Variants in LARP1 observed in about 807,000 individuals in gnomAD.
LARP1 encodes the protein La ribonucleoprotein 1, translational regulator.
In LARP1, 36 loss-of-function variants were observed where a neutral mutation model predicts 122.7. The observed-to-expected ratio is 0.29, with a 90% confidence interval of 0.22 to 0.39. LARP1 has a LOEUF of 0.39. Among genes scored for constraint, LARP1 ranks in the 10% least tolerant of loss-of-function variants. LARP1 has a pLI of 1.00. For synonymous variants in LARP1, 539 were observed against 528.7 expected, an observed-to-expected ratio of 1.02 and a Z score of -0.27; for missense variants, 1,040 against 1,403.6, an observed-to-expected ratio of 0.74 and a Z score of 4.14.
chr5:154,755,509 AC>A lies in LARP1; in HGVS notation c.-248del, dbSNP rs1326918659. ...GCGAGGAACGGGCGGGGGGGGACGC[AC>A]GCCTAGGAGGCCTGGACTGCAGAGT... On this transcript the variant is annotated 5_prime_UTR_variant, in exon 1 of 19. Coordinates refer to ENST00000518297, the MANE Select transcript of LARP1 (RefSeq NM_033551.3). 1 of 975,266 alleles carries A rather than the reference AC, an allele frequency of 1.0e-6. No individual in the cohort carries two copies. The highest frequency in any genetic ancestry group is 1.8e-5 in the African/African-American group (1 of 56,522). 60.4% of individuals were successfully genotyped at this position (975,266 alleles called of 1,614,324 possible). A position where few individuals can be genotyped will look rare whatever the true frequency, so the allele number is the denominator to read the frequency against.
chr5:154,702,469 T>G (rs1452193352), intron 1 of LARP1, among the ~76,000 whole-genome samples: 1 of 151,968 alleles, frequency 6.6e-6, no homozygotes, highest in East Asian at 1.9e-4. Flanking sequence ...GGCAGGGGAA[T>G]TTCTTGAACC....
chr5:154,692,720 CT>C (rs1754282135), intron 1 of LARP1, among the ~76,000 whole-genome samples: 1 of 152,178 alleles, frequency 6.6e-6, no homozygotes, highest in Non-Finnish European at 1.5e-5. Context: ...GACAGCTGGC[CT>C]TAAGTGCCTC....
At chr5:154,807,902 A>G (rs923503410) in intron 15 of LARP1, among the ~76,000 whole-genome samples, 31 of 152,228 alleles carry the variant, frequency 2.0e-4, no homozygotes, top group African/African-American at 7.5e-4. Flanking sequence ...AGTTGTAGGA[A>G]TTCCTTTATC....
chr5:154,691,521 C>T (rs985266835), intron 1 of LARP1, among the ~76,000 whole-genome samples: 10 of 152,182 alleles, frequency 6.6e-5, no homozygotes, highest in African/African-American at 2.4e-4. Context: ...GGTGGCGGCC[C>T]ACTCTGCTCC....
intron 4 of LARP1, 41 bp from the exon 5 acceptor site, chr5:154,793,552 CCT>C (rs1230355032): frequency 6.2e-7 from 1 of 1,613,362 alleles, no homozygotes; most frequent in Non-Finnish European, 8.5e-7. Flanking sequence ...CTAGGAGTGG[CCT>C]CTCCCTCAAG....
At chr5:154,688,863 T>C (rs1269414262) in intron 1 of LARP1, among the ~76,000 whole-genome samples, 1 of 152,134 alleles carries the variant, frequency 6.6e-6, no homozygotes, top group Admixed American at 6.6e-5. Context: ...CATATTTCTT[T>C]TGCCCTTGAT....
intron 13 of LARP1, 34 bp from the exon 14 acceptor site, chr5:154,804,167 C>T: frequency 6.5e-7 from 1 of 1,527,514 alleles, no homozygotes; most frequent in Non-Finnish European, 9.1e-7. Context: ...TGTAGGAGTA[C>T]AAACAGTAAC....
At position 154,808,487 on chromosome 5, in the gene LARP1, T is replaced by G. The variant is rs200557431; in HGVS notation, c.2727T>G (p.Ser909=). The G allele has an allele frequency of 6.9e-5, 111 of 1,613,612 alleles. 1 individual carries two copies. The highest frequency in any genetic ancestry group is 3.3e-5 in the Admixed American group (2 of 60,012). ...NERKRLGIGQ[S]QEMNTLFRFW... ...GGAAACGCTTGGGCATTGGCCAGTCTCAGGAGATGAACACACTCTTCCGCT... is the reference window on the plus strand; with the variant it reads ...GGAAACGCTTGGGCATTGGCCAGTCGCAGGAGATGAACACACTCTTCCGCT... Residue 909 remains serine, a synonymous_variant, in exon 16 of 19, where the codon TCT becomes TCG. Transcript: ENST00000518297.
chr5:154,799,473 T>G lies in LARP1; in HGVS notation c.1378-118T>G, dbSNP rs576902866. 407 of 978,410 alleles carry G rather than the reference T, an allele frequency of 4.2e-4. 6 individuals are homozygous for G. The South Asian group carries it at 6.3e-3, about 15-fold the overall frequency. 60.6% of individuals were successfully genotyped at this position (978,410 alleles called of 1,614,324 possible). A position where few individuals can be genotyped will look rare whatever the true frequency, so the allele number is the denominator to read the frequency against. On this transcript the variant is annotated intron_variant, in intron 8 of 18. Coordinates refer to ENST00000518297, the MANE Select transcript of LARP1 (RefSeq NM_033551.3). ...GTGGAAGATGGTGTCAATTTTCTTATATTACTGGTAGCATTGGACTCATAC... is the reference window on the plus strand; with the variant it reads ...GTGGAAGATGGTGTCAATTTTCTTAGATTACTGGTAGCATTGGACTCATAC...
intron 8 of LARP1, among the ~76,000 whole-genome samples, chr5:154,798,232 T>C (rs1363533308): frequency 6.6e-6 from 1 of 152,246 alleles, no homozygotes; most frequent in African/African-American, 2.4e-5. Flanking sequence ...GAAGTCTGAC[T>C]TAAATTCTGT....
intron 1 of LARP1, among the ~76,000 whole-genome samples, chr5:154,785,773 C>T (rs927187498): frequency 6.6e-6 from 1 of 152,182 alleles, no homozygotes; most frequent in Non-Finnish European, 1.5e-5. Flanking sequence ...CTCCACTTTA[C>T]AGAGGAGCCG....
intron 8 of LARP1, among the ~76,000 whole-genome samples, chr5:154,797,944 A>G (rs950817875): frequency 2.6e-5 from 4 of 152,202 alleles, no homozygotes; most frequent in African/African-American, 9.7e-5. Flanking sequence ...TTCGGCTTCC[A>G]AAGTGTTGGG....
intron 8 of LARP1, among the ~76,000 whole-genome samples, chr5:154,797,341 C>G (rs1409812421): frequency 7.2e-6 from 1 of 139,324 alleles, no homozygotes; most frequent in Non-Finnish European, 1.5e-5. Context: ...TTAAGCAATT[C>G]TCCTGCCTCA....
intron 1 of LARP1, among the ~76,000 whole-genome samples, chr5:154,771,116 G>GAAA (rs572179099): frequency 7.4e-5 from 8 of 108,046 alleles, no homozygotes; most frequent in African/African-American, 2.6e-4. Context: ...TGTCTCAAAA[G>GAAA]AAAAAAAAAA....
intron 1 of LARP1, among the ~76,000 whole-genome samples, chr5:154,713,693 G>A (rs1158725506): frequency 6.6e-6 from 1 of 152,184 alleles, no homozygotes; most frequent in Non-Finnish European, 1.5e-5. Flanking sequence ...GCAAAATCCT[G>A]CCTTCACGCC....
intron 16 of LARP1, among the ~76,000 whole-genome samples, chr5:154,809,263 G>A (rs987426960): frequency 6.6e-6 from 1 of 150,732 alleles, no homozygotes; most frequent in Non-Finnish European, 1.5e-5. Context: ...CCAGGAGTTC[G>A]AGACCAGCCT....
intron 7 of LARP1, among the ~76,000 whole-genome samples, chr5:154,794,593 G>T (rs1757600188): frequency 6.6e-6 from 1 of 152,162 alleles, no homozygotes; most frequent in Admixed American, 6.5e-5. Flanking sequence ...TATCGGCCAG[G>T]CTCAGTGTTT....
At chr5:154,715,837 G>A (rs1048457636) in intron 1 of LARP1, among the ~76,000 whole-genome samples, 6 of 152,164 alleles carry the variant, frequency 3.9e-5, no homozygotes, top group African/African-American at 7.2e-5. Flanking sequence ...GCGTACCTAC[G>A]ATGAGCTAAC....
intron 1 of LARP1, among the ~76,000 whole-genome samples, chr5:154,714,212 G>C (rs913357072): frequency 6.6e-6 from 1 of 152,162 alleles, no homozygotes; most frequent in Non-Finnish European, 1.5e-5. Context: ...AATACATTTT[G>C]GGATTGATGA....
Sources: gnomAD v4.1 joint callset for allele counts (sites outside exome capture counted in the v4.1 genomes callset) on GRCh38, gnomAD v4.1.1 for gene constraint, MANE v1.5 for transcripts, NCBI Gene and HGNC (gene_info 2026-07-23, HGNC 2026-07-21) for gene names.